Variants in NAV2 observed in about 807,000 individuals in gnomAD.
NAV2 encodes helicase, APC down-regulated 1.
A neutral mutation model predicts 223.2 loss-of-function variants in NAV2; 54 were observed. The ratio of observed to expected loss-of-function variants is 0.24; its 90% CI spans 0.19 to 0.30. The LOEUF is 0.30. NAV2 is among the 10% of genes least tolerant of loss of function. The probability of loss-of-function intolerance (pLI) is 1.00; values close to 1 mark genes in which losing one functional copy is unlikely to be tolerated. For synonymous variants in NAV2, 1,279 were observed against 1,239.3 expected (o/e 1.03, Z -0.67); for missense variants, 2,806 against 3,147.5 (o/e 0.89, Z 2.60).
chr11:20,066,146 T>C (rs1405334161), intron 20 of NAV2, among the ~76,000 whole-genome samples: 1 of 152,238 alleles, frequency 6.6e-6, no homozygotes, highest in Non-Finnish European at 1.5e-5. Context: ...TGGCACATGG[T>C]AAGCATTCAA....
At chr11:20,062,931 G>A (rs2058799807) in intron 20 of NAV2, among the ~76,000 whole-genome samples, 1 of 152,188 alleles carries the variant, frequency 6.6e-6, no homozygotes, top group Non-Finnish European at 1.5e-5. Flanking sequence ...CTGACCTTGT[G>A]ATCCACCCAC....
At chr11:19,345,417 G>A in the NAV2 span, among the ~76,000 whole-genome samples, 12 of 152,356 alleles carry the variant, frequency 7.9e-5, no homozygotes, top group African/African-American at 2.2e-4. The surrounding 1 kb of genome is among the most constrained non-coding windows in gnomAD (Gnocchi z 5.2). Context: ...GCAAGGAGGA[G>A]AGGACTTGGG....
At chr11:19,997,712 AG>A (rs2052049420) in intron 11 of NAV2, among the ~76,000 whole-genome samples, 1 of 152,178 alleles carries the variant, frequency 6.6e-6, no homozygotes. Context: ...CTGGCTCTAA[AG>A]CCAGTGTTAT....
At chr11:20,102,207 C>T (rs546435886) in intron 32 of NAV2, among the ~76,000 whole-genome samples, 3 of 152,194 alleles carry the variant, frequency 2.0e-5, no homozygotes, top group South Asian at 2.1e-4. Context: ...CCAGAGATCA[C>T]GGTGAAGAGG....
At chr11:20,062,840 A>G (rs545896211) in intron 20 of NAV2, among the ~76,000 whole-genome samples, 8 of 152,232 alleles carry the variant, frequency 5.3e-5, no homozygotes, top group Admixed American at 2.6e-4. Context: ...GACTATAGGC[A>G]TGTGCCACCA....
At position 19,576,311 on chromosome 11, in the gene NAV2, T is replaced by C. The variant is rs185275988; in HGVS notation, c.75+225284T>C. On this transcript the variant is annotated intron_variant, in intron 1 of 37. Transcript: ENST00000360655. Reference sequence around the variant, plus strand: ...AAACTTTTGATGGTTCTTGAAGTCATAGAGAGGCTTTCAGCTGAATCCAAG... The same window carrying C: ...AAACTTTTGATGGTTCTTGAAGTCACAGAGAGGCTTTCAGCTGAATCCAAG... 2.6e-5 allele frequency among the ~76,000 whole-genome samples: 4 copies of C among 152,356 alleles called. No individual in the cohort carries two copies. The East Asian group carries it at 5.8e-4, about 22-fold the overall frequency.
At chr11:19,855,894 T>A (rs1045814004) in intron 3 of NAV2, among the ~76,000 whole-genome samples, 10 of 152,218 alleles carry the variant, frequency 6.6e-5, no homozygotes, top group Non-Finnish European at 1.2e-4. Context: ...GGGATTTGAT[T>A]TGAGTTTCAG....
In NAV2 at chr11:19,444,372, T is replaced by TCCTCAA. The variant is rs1408893310; in HGVS notation, c.75+93349_75+93354dup. On this transcript the variant is annotated intron_variant, in intron 1 of 37. Transcript: ENST00000360655. ...AGCCCTGCCCAGCCAGGAACTCCAT[T>TCCTCAA]CCTCAACCTTTCTTGCATCTAGGGA... Among the ~76,000 whole-genome samples, 10 of 152,372 alleles carry TCCTCAA rather than the reference T, an allele frequency of 6.6e-5. No homozygotes were observed. In the East Asian group the frequency reaches 1.9e-3, roughly 29 times the overall value.
At chr11:19,577,738 T>C (rs936739538) in intron 1 of NAV2, among the ~76,000 whole-genome samples, 6 of 151,984 alleles carry the variant, frequency 3.9e-5, no homozygotes, top group Non-Finnish European at 8.8e-5. Flanking sequence ...GGTGGGCATC[T>C]GGGGTGAGAG....
At chr11:19,507,914 T>C (rs945925269) in intron 1 of NAV2, among the ~76,000 whole-genome samples, 6 of 152,204 alleles carry the variant, frequency 3.9e-5, no homozygotes, top group African/African-American at 1.4e-4. Context: ...ATGTCAGGAT[T>C]CAAATTCAGG....
chr11:19,861,101 T>TGGAGAGGGAGAG lies in NAV2; in HGVS notation c.439-7809_439-7798dup, dbSNP rs111442576. ...AAGTCATATTCTCTTAAACAGATAT[T>TGGAGAGGGAGAG]GGAGAGGGAGAGGGAGAGGGAGAGG... On this transcript the variant is annotated intron_variant, in intron 3 of 37. Transcript: ENST00000349880. Among the ~76,000 whole-genome samples, 1,043 of 142,840 alleles carry TGGAGAGGGAGAG rather than the reference T, an allele frequency of 7.3e-3. 17 individuals are homozygous for TGGAGAGGGAGAG. The highest frequency in any genetic ancestry group is 0.047 in the Admixed American group (673 of 14,386). 93.7% of individuals were successfully genotyped at this position (142,840 alleles called of 152,430 possible).
intron 11 of NAV2, among the ~76,000 whole-genome samples, chr11:20,023,699 G>GGTGTGTGTGT (rs374769800): frequency 0.021 from 3,027 of 144,640 alleles, 57 homozygotes; most frequent in African/African-American, 0.053. Context: ...CAAATTGCTG[G>GGTGTGTGTGT]GTGTGTGTGT....
At chr11:19,706,639 A>C (rs543917648) in intron 1 of NAV2, among the ~76,000 whole-genome samples, 5 of 152,364 alleles carry the variant, frequency 3.3e-5, no homozygotes, top group Admixed American at 1.3e-4. Flanking sequence ...GAAACTTGAG[A>C]GCCGAGAGCA....
At chr11:19,583,977 G>A (rs1372232059) in intron 1 of NAV2, among the ~76,000 whole-genome samples, 3 of 152,146 alleles carry the variant, frequency 2.0e-5, no homozygotes, top group Admixed American at 2.0e-4. Context: ...TGTACCTCTG[G>A]TAGAATTCGG....
At position 19,557,009 on chromosome 11, in the gene NAV2, C is replaced by G. The variant is rs151201777; in HGVS notation, c.75+205982C>G. Among the ~76,000 whole-genome samples the G allele has an allele frequency of 3.8e-3, 576 of 152,288 alleles. 7 individuals are homozygous for G. Among genetic ancestry groups the G allele is most frequent in the African/African-American group, 0.013 (553 of 41,558 alleles). ...TTTTACTTCTTTCTCTTTATTCTCT[C>G]TAATTCCAAAATTTTACATAATAGA... On this transcript the variant is annotated intron_variant, in intron 1 of 37. Coordinates refer to the NAV2 transcript ENST00000360655.
At chr11:19,442,483 G>A (rs1325692684) in intron 1 of NAV2, among the ~76,000 whole-genome samples, 9 of 152,258 alleles carry the variant, frequency 5.9e-5, no homozygotes, top group Admixed American at 5.9e-4. Flanking sequence ...GCTTTCCCCA[G>A]AGAGGTGACT....
At chr11:19,865,192 C>T (rs113714701) in intron 3 of NAV2, among the ~76,000 whole-genome samples, 7 of 152,170 alleles carry the variant, frequency 4.6e-5, no homozygotes, top group Admixed American at 3.3e-4. Context: ...ATCAGATCCT[C>T]ATCTCATGCT....
At chr11:19,501,614 T>C (rs1486594124) in intron 1 of NAV2, among the ~76,000 whole-genome samples, 1 of 152,084 alleles carries the variant, frequency 6.6e-6, no homozygotes, top group Non-Finnish European at 1.5e-5. Flanking sequence ...CACTTATTGC[T>C]AGCTACAGAC....
intron 1 of NAV2, chr11:19,777,418 T>TTTC: frequency 2.3e-6 from 1 of 433,048 alleles, no homozygotes; most frequent in South Asian, 1.6e-5. Context: ...TTTTTTTTTT[T>TTTC]CCCCTCCTCC....
Sources: gnomAD v4.1 joint callset for allele counts (sites outside exome capture counted in the v4.1 genomes callset) on GRCh38, gnomAD v4.1.1 for gene constraint, Gnocchi (gnomAD v3.1) non-coding constraint, MANE v1.5 for transcripts, NCBI Gene and HGNC (gene_info 2026-07-23, HGNC 2026-07-21) for gene names.